Variants in SUCO observed in about 807,000 individuals in gnomAD.
The protein encoded by SUCO is SUN domain containing ossification factor.
In SUCO, 57 loss-of-function variants were observed where a neutral mutation model predicts 148.1. That is an observed-to-expected ratio of 0.38 (90% CI 0.31 to 0.48). The LOEUF is 0.48. SUCO is among the 20% of genes least tolerant of loss of function. The pLI is 0.96. For missense variants in SUCO, 1,331 were observed against 1,468.2 expected (o/e 0.91, Z 1.53); for synonymous variants, 470 against 502.7 (o/e 0.93, Z 0.87).
chr1:172,589,651 G>A lies in SUCO; in HGVS notation c.2550G>A (p.Lys850=), dbSNP rs1198262853. The A allele has an allele frequency of 6.2e-7, 1 of 1,613,888 alleles. No individual in the cohort carries two copies. The highest frequency in any genetic ancestry group is 8.5e-7 in the Non-Finnish European group (1 of 1,179,878). The change falls in exon 18 of 24, where the codon AAG becomes AAA. Residue 850 remains lysine, a synonymous_variant. Transcript: ENST00000263688. ...EAKMNIADTA[K]QTLISVVDSS... ...AAATGAATATAGCTGACACAGCAAA[G>A]CAAACTTTGATTTCTGTTGTGGATT...
chr1:172,585,285 A>G (rs1460762137), intron 16 of SUCO, 199 bp downstream of exon 16: 1 of 323,380 alleles, frequency 3.1e-6, no homozygotes, highest in Non-Finnish European at 4.4e-6. Flanking sequence ...AATACTGTCT[A>G]TATAAAACTT....
intron 9 of SUCO, 46 bp downstream of exon 9, chr1:172,570,776 A>G (rs1253448888): frequency 3.5e-6 from 4 of 1,140,592 alleles, no homozygotes; most frequent in African/African-American, 1.6e-5. Flanking sequence ...ATATATATGC[A>G]TATTATGTTA....
chr1:172,599,696 C>A lies in SUCO; in HGVS notation c.2914-368C>A, dbSNP rs183999721. 8.6e-4 allele frequency among the ~76,000 whole-genome samples: 131 copies of A among 152,318 alleles called. 1 individual carries two copies. Among genetic ancestry groups the A allele is most frequent in the African/African-American group, 3.1e-3 (127 of 41,576 alleles). On this transcript the variant is annotated intron_variant, in intron 19 of 23. Coordinates refer to ENST00000263688, the MANE Select transcript of SUCO (RefSeq NM_014283.5). ...AATTTTCAATTTGTCTTTGCGCCAA[C>A]TGCTTTGCTTTAAAAACACTGACTT...
At chr1:172,532,588 A>G (rs748341909), upstream of SUCO, 2 of 1,613,998 alleles carry the variant, frequency 1.2e-6, no homozygotes, top group African/African-American at 2.7e-5. Flanking sequence ...CACACACGTC[A>G]TTCTAGGCCA....
In SUCO at chr1:172,566,195, G is replaced by A. The variant is rs115466998; in HGVS notation, c.733-2824G>A. ...AAAAGAGCTTTTGATTAGTGTTAGAGCTCAGGTTTTACAGCTCTGCTTAGT... is the reference window on the plus strand; with the variant it reads ...AAAAGAGCTTTTGATTAGTGTTAGAACTCAGGTTTTACAGCTCTGCTTAGT... On this transcript the variant is annotated intron_variant, in intron 6 of 23. Transcript: ENST00000263688. 7.3e-3 allele frequency among the ~76,000 whole-genome samples: 1,105 copies of A among 152,334 alleles called. 9 individuals are homozygous for A. The highest frequency in any genetic ancestry group is 0.025 in the African/African-American group (1,052 of 41,562).
At chr1:172,547,632 A>G (rs936380119) in intron 1 of SUCO, among the ~76,000 whole-genome samples, 1 of 152,214 alleles carries the variant, frequency 6.6e-6, no homozygotes, top group Admixed American at 6.5e-5. Context: ...TTAGTGCCAC[A>G]TAAAATAAAG....
intron 19 of SUCO, among the ~76,000 whole-genome samples, chr1:172,595,706 A>C (rs1558209885): frequency 2.6e-5 from 4 of 152,102 alleles, no homozygotes; most frequent in African/African-American, 9.7e-5. Flanking sequence ...GGCTGCCCTT[A>C]ATATTTTTTC....
chr1:172,600,878 G>C lies in SUCO; in HGVS notation c.3018+710G>C, dbSNP rs142029946. ...AACAAACCTGTTTCTAGCAGAACTA[G>C]GGCAAAGGACTGGAGAGTAGAAACA... On this transcript the variant is annotated intron_variant, in intron 20 of 23. Transcript: ENST00000263688. Among the ~76,000 whole-genome samples the C allele has an allele frequency of 4.6e-3, 694 of 152,232 alleles. 5 individuals are homozygous for C. The highest frequency in any genetic ancestry group is 0.016 in the African/African-American group (645 of 41,516).
At chr1:172,554,338 C>T (rs532561257) in intron 3 of SUCO, among the ~76,000 whole-genome samples, 25 of 152,254 alleles carry the variant, frequency 1.6e-4, no homozygotes, top group African/African-American at 5.1e-4. Flanking sequence ...CAAATACTTC[C>T]GAGTGCTTAC....
intron 9 of SUCO, among the ~76,000 whole-genome samples, chr1:172,572,290 G>C (rs551367627): frequency 6.6e-6 from 1 of 151,726 alleles, no homozygotes; most frequent in African/African-American, 2.4e-5. Flanking sequence ...TTGAGAAATC[G>C]GATGGTTGCC....
chr1:172,534,348 A>G (rs139834744), intron 1 of SUCO, among the ~76,000 whole-genome samples: 2 of 152,304 alleles, frequency 1.3e-5, no homozygotes, highest in Non-Finnish European at 2.9e-5. Flanking sequence ...ATGTGTGACA[A>G]TTGATGACTG....
Position 172,557,297 on chromosome 1 carries a change from G to A in SUCO, c.461G>A (p.Gly154Asp). 2 of 1,613,402 alleles carry A rather than the reference G, an allele frequency of 1.2e-6. No individual in the cohort carries two copies. Among genetic ancestry groups the A allele is most frequent in the Non-Finnish European group, 1.7e-6 (2 of 1,179,680 alleles). ...ISKLDEIEKS[G>D]TIPIAKPSET... Reference sequence around the variant, plus strand: ...TTTTTTAGTGAAATAGAAAAATCTGGTACTATTCCGATAGCCAAACCAAGT... The same window carrying A: ...TTTTTTAGTGAAATAGAAAAATCTGATACTATTCCGATAGCCAAACCAAGT... The change falls in exon 5 of 24, where the codon GGT becomes GAT. Residue 154 changes from glycine (G) to aspartate (D), a missense_variant. By Grantham distance (94) the Gly-to-Asp change is moderately conservative. This residue lies in a region of SUCO where 992 missense variants were observed against 1,093.5 expected (regional missense o/e 0.91). Transcript: ENST00000263688.
intron 20 of SUCO, among the ~76,000 whole-genome samples, chr1:172,600,895 G>A (rs1290663870): frequency 1.3e-5 from 2 of 152,178 alleles, no homozygotes; most frequent in African/African-American, 4.8e-5. Context: ...GGACTGGAGA[G>A]TAGAAACAGT....
intron 22 of SUCO, among the ~76,000 whole-genome samples, chr1:172,604,258 T>G (rs1397837124): frequency 6.6e-6 from 1 of 151,922 alleles, no homozygotes; most frequent in East Asian, 1.9e-4. Context: ...ACAGAGTAGC[T>G]TTTTGCACCT....
rs1302627444 is a variant in SUCO, at chr1:172,589,305, T to C, written c.2204T>C (p.Leu735Ser). The change falls in exon 18 of 24, where the codon TTA (leucine) becomes TCA (serine). Residue 735 changes from leucine to serine, a missense_variant. Transcript: ENST00000263688. ...CAAACTCTTTCTCAGTCTCTTCTTT[T>C]AGATATTACCCCAGAAATCAATCCC... ...HSQTLSQSLLLDITPEINPLP... is the reference protein window; with the variant it reads ...HSQTLSQSLLSDITPEINPLP... 1 of 1,613,494 alleles carries C rather than the reference T, an allele frequency of 6.2e-7. No homozygotes were observed. The highest frequency in any genetic ancestry group is 1.7e-5 in the Admixed American group (1 of 59,942).
chr1:172,597,756 C>T (rs1657231269), intron 19 of SUCO, among the ~76,000 whole-genome samples: 1 of 147,288 alleles, frequency 6.8e-6, no homozygotes, highest in Non-Finnish European at 1.5e-5. Context: ...AGAAATTTTA[C>T]ACTTTTCTAA....
chr1:172,609,591 G>A, intron 23 of SUCO: 3 of 985,010 alleles, frequency 3.0e-6, no homozygotes, highest in Non-Finnish European at 3.6e-6. Flanking sequence ...TTCATAGGTA[G>A]CAGGTAAGCA....
chr1:172,536,581 A>G (rs1652037091), intron 1 of SUCO, among the ~76,000 whole-genome samples: 1 of 152,186 alleles, frequency 6.6e-6, no homozygotes. Flanking sequence ...TGGTTTTAAC[A>G]CTGGAAGTCG....
chr1:172,609,232 A>G (rs1658057421), intron 23 of SUCO: 1 of 982,998 alleles, frequency 1.0e-6, no homozygotes. Flanking sequence ...TTTTTTTAAT[A>G]AAAAAACAGC....
Sources: gnomAD v4.1 joint callset for allele counts (sites outside exome capture counted in the v4.1 genomes callset) on GRCh38, gnomAD v4.1.1 for gene constraint, gnomAD v4.1.1 regional missense constraint, MANE v1.5 for transcripts, NCBI Gene and HGNC (gene_info 2026-07-23, HGNC 2026-07-21) for gene names.